Variants in SLC36A4 observed in about 807,000 individuals in gnomAD.
SLC36A4 encodes solute carrier family 36 member 4, also known as neutral amino acid uniporter 4.
SLC36A4 carries 49 observed loss-of-function variants against 50.5 expected under a neutral mutation model. The ratio of observed to expected loss-of-function variants is 0.97; its 90% CI spans 0.77 to 1.23. The LOEUF is 1.23. SLC36A4 is among the 50% of genes most tolerant of loss of function. The probability of loss-of-function intolerance (pLI) is 0.00; values close to 1 mark genes in which losing one functional copy is unlikely to be tolerated. For missense variants in SLC36A4, 611 were observed against 608.4 expected, an observed-to-expected ratio of 1.00 and a Z score of -0.05; for synonymous variants, 207 against 206.5, an observed-to-expected ratio of 1.00 and a Z score of -0.02.
Position 93,176,989 on chromosome 11 carries a change from A to T in SLC36A4, c.540+3808T>A, listed in dbSNP as rs145476759. Among the ~76,000 whole-genome samples, 276 of 152,140 alleles carry T rather than the reference A, an allele frequency of 1.8e-3. 1 individual carries two copies. The highest frequency in any genetic ancestry group is 0.017 in the Middle Eastern group (5 of 294). On this transcript the variant is annotated intron_variant, in intron 6 of 10. Transcript: ENST00000326402. ...CGTTCTCTGTATTTCCTGAATTTGA[A>T]TGTTGGCCTGTCTTGGTAGGTTGGG... is the stretch of plus-strand genomic sequence containing the variant.
chr11:93,176,679 A>G (rs1030854840), intron 6 of SLC36A4, among the ~76,000 whole-genome samples: 1 of 152,164 alleles, frequency 6.6e-6, no homozygotes, highest in South Asian at 2.1e-4. Flanking sequence ...GCTTGTCTGT[A>G]AAGTATTTTA....
At chr11:93,162,581 T>C in intron 9 of SLC36A4, 125 bp downstream of exon 9, 1 of 828,862 alleles carries the variant, frequency 1.2e-6, no homozygotes, top group Non-Finnish European at 1.8e-6. Flanking sequence ...AGTGATGGGA[T>C]TCCAGGAAAT....
chr11:93,163,565 C>T (rs114238536), intron 8 of SLC36A4, among the ~76,000 whole-genome samples: 159 of 152,296 alleles, frequency 1.0e-3, no homozygotes, highest in African/African-American at 3.6e-3. Flanking sequence ...TCTCATCACA[C>T]GTTATTAACA....
chr11:93,178,440 T>C (rs566073916), intron 6 of SLC36A4, among the ~76,000 whole-genome samples: 2 of 152,240 alleles, frequency 1.3e-5, no homozygotes, highest in African/African-American at 2.4e-5. Context: ...AGTACCTCAG[T>C]TGGAAATGCA....
At chr11:93,175,968 T>G (rs1231090951) in intron 6 of SLC36A4, among the ~76,000 whole-genome samples, 1,474 of 134,992 alleles carry the variant, frequency 0.011, 11 homozygotes, top group Middle Eastern at 0.04. Context: ...TTAGGTCCGC[T>G]TGGTGCAGAG....
intron 9 of SLC36A4, among the ~76,000 whole-genome samples, chr11:93,156,152 ACT>A (rs1321757069): frequency 6.6e-6 from 1 of 152,212 alleles, no homozygotes; most frequent in Non-Finnish European, 1.5e-5. Context: ...GCATCGCCAC[ACT>A]GTCTTCCACA....
intron 1 of SLC36A4, among the ~76,000 whole-genome samples, chr11:93,195,113 G>A (rs1162748885): frequency 6.6e-6 from 1 of 151,230 alleles, no homozygotes; most frequent in African/African-American, 2.4e-5. Context: ...GAGAAGGCAA[G>A]GAGGAAGGCA....
chr11:93,150,521 C>A (rs183261893), intron 10 of SLC36A4, among the ~76,000 whole-genome samples: 2 of 151,884 alleles, frequency 1.3e-5, no homozygotes, highest in Admixed American at 1.3e-4. Flanking sequence ...AAAGCTAAAG[C>A]CCTAAAAACT....
At chr11:93,152,237 C>T (rs1432685224) in intron 10 of SLC36A4, 1 of 152,146 alleles carries the variant, frequency 6.6e-6, no homozygotes, top group African/African-American at 2.4e-5. Flanking sequence ...AGTGCTGCTG[C>T]ACAGCCTACT....
chr11:93,197,798 G>A lies in SLC36A4; in HGVS notation c.35C>T (p.Ala12Val). 1 of 1,583,722 alleles carries A rather than the reference G, an allele frequency of 6.3e-7. No homozygotes were observed. Among genetic ancestry groups the A allele is most frequent in the African/African-American group, 1.4e-5 (1 of 72,644 alleles). The change falls in exon 1 of 11, where the codon GCG becomes GTG. Residue 12 changes from alanine to valine, a missense_variant. Physicochemically the swap from Ala to Val is moderately conservative, Grantham distance 64. Transcript: ENST00000326402. ...CCGACCTAGCTCCTCGCGCCTCGCC[G>A]CCCCGGCAGCCGCCGGCGTCGCCGC... Reference protein sequence around the residue: ...EAAATPAAAGAARREELDMDV... With the variant: ...EAAATPAAAGVARREELDMDV...
chr11:93,182,240 C>CTT, intron 4 of SLC36A4: 3 of 766,758 alleles, frequency 3.9e-6, no homozygotes, highest in Non-Finnish European at 4.8e-6. Context: ...TCCATTCTCT[C>CTT]TTTTTTTTTC....
chr11:93,195,499 G>C (rs1862381568), intron 1 of SLC36A4, among the ~76,000 whole-genome samples: 2 of 152,054 alleles, frequency 1.3e-5, no homozygotes, highest in African/African-American at 4.8e-5. Context: ...TATCTTTCCT[G>C]AATTACTGAA....
intron 6 of SLC36A4, among the ~76,000 whole-genome samples, chr11:93,176,415 A>C (rs1357133651): frequency 6.6e-6 from 1 of 152,152 alleles, no homozygotes; most frequent in African/African-American, 2.4e-5. Context: ...TTGCCAGTCT[A>C]TGTCTTTTAA....
intron 10 of SLC36A4, 85 bp downstream of exon 10, chr11:93,153,995 TATTGAAAAATACATCTTATGTAGCTTTC>T: frequency 1.8e-6 from 1 of 542,206 alleles, no homozygotes. Context: ...GTTTTAAAAA[TATTGAAAAATACATCTTATGTAGCTTTC>T]ATTTTAAGAA....
At chr11:93,170,592 A>T (rs1406557590) in intron 6 of SLC36A4, among the ~76,000 whole-genome samples, 2 of 151,720 alleles carry the variant, frequency 1.3e-5, no homozygotes, top group Non-Finnish European at 2.9e-5. Context: ...AGAGATTTGA[A>T]CTCCTATCTT....
Position 93,180,878 on chromosome 11 carries a change from A to G in SLC36A4, c.459T>C (p.Ser153=), listed in dbSNP as rs761347237. 1 of 1,608,922 alleles carries G rather than the reference A, an allele frequency of 6.2e-7. No homozygotes were observed. Among genetic ancestry groups the G allele is most frequent in the African/African-American group, 1.3e-5 (1 of 74,848 alleles). The change falls in exon 6 of 11, where the codon AGT becomes AGC. Residue 153 remains serine (S), a synonymous_variant. Coordinates refer to ENST00000326402, the MANE Select transcript of SLC36A4 (RefSeq NM_152313.4). ...TTATCACCAGAAAAAAGTCAACCACACTCCTGAAAAAAGATATCCACAAAT... is the reference window on the plus strand; with the variant it reads ...TTATCACCAGAAAAAAGTCAACCACGCTCCTGAAAAAAGATATCCACAAAT... ...CLQKQAAWGR[S]VVDFFLVITQ...
At chr11:93,153,767 G>A (rs1206453488) in intron 10 of SLC36A4, among the ~76,000 whole-genome samples, 2 of 151,948 alleles carry the variant, frequency 1.3e-5, no homozygotes, top group African/African-American at 2.4e-5. Flanking sequence ...ACAAAAACAG[G>A]AATGAAAAAC....
intron 1 of SLC36A4, among the ~76,000 whole-genome samples, chr11:93,193,850 G>T (rs1438556598): frequency 6.6e-6 from 1 of 152,036 alleles, no homozygotes; most frequent in African/African-American, 2.4e-5. Flanking sequence ...TCTACTTCTG[G>T]CAAGCTAGTG....
chr11:93,148,622 T>C lies in SLC36A4; in HGVS notation c.1430A>G (p.Tyr477Cys). 1 of 1,612,724 alleles carries C rather than the reference T, an allele frequency of 6.2e-7. No individual in the cohort carries two copies. The highest frequency in any genetic ancestry group is 8.5e-7 in the Non-Finnish European group (1 of 1,179,180). ...GTYITVEEII[Y>C]PTPKVVAGTP... ...GCCAGCTACAACTTTGGGAGTAGGATAAATAATTTCTTCAACAGTTATATA... is the reference window on the plus strand; with the variant it reads ...GCCAGCTACAACTTTGGGAGTAGGACAAATAATTTCTTCAACAGTTATATA... The change falls in exon 11 of 11, where the codon TAT (tyrosine) becomes TGT (cysteine). Residue 477 changes from tyrosine to cysteine, a missense_variant. Physicochemically the swap from Tyr to Cys is radical, Grantham distance 194 (BLOSUM62 -2). Coordinates refer to ENST00000326402, the MANE Select transcript of SLC36A4 (RefSeq NM_152313.4).
Sources: gnomAD v4.1 joint callset for allele counts (sites outside exome capture counted in the v4.1 genomes callset) on GRCh38, gnomAD v4.1.1 for gene constraint, MANE v1.5 for transcripts, NCBI Gene and HGNC (gene_info 2026-07-23, HGNC 2026-07-21) for gene names.